The following KLHDC7A variants were observed in gnomAD, a reference collection of about 807,000 sequenced individuals.
The protein encoded by KLHDC7A is kelch domain containing 7A.
For missense variants in KLHDC7A, 1,123 were observed against 1,052.6 expected, an observed-to-expected ratio of 1.07 and a Z score of -0.93; for synonymous variants, 464 against 461.0, an observed-to-expected ratio of 1.01 and a Z score of -0.08.
In KLHDC7A at chr1:18,482,481, C is replaced by T; in HGVS notation, c.1500C>T (p.Cys500=). The T allele has an allele frequency of 1.2e-6, 2 of 1,611,512 alleles. No individual in the cohort carries two copies. Among genetic ancestry groups the T allele is most frequent in the East Asian group, 2.2e-5 (1 of 44,856 alleles). The change falls in exon 1 of 1, where the codon TGC becomes TGT. Residue 500 remains cysteine (C), a synonymous_variant. Coordinates refer to ENST00000400664, the MANE Select transcript of KLHDC7A (RefSeq NM_152375.3). ...AGTACCTGGTGGTGGCTGACGTGTG[C>T]CCCAAGGAAGACTCCGGCGGCCTCT... The part of the protein sequence containing the change: ...GRQYLVVADV[C]PKEDSGGLCC...
In KLHDC7A at chr1:18,481,540, C is replaced by A; in HGVS notation, c.559C>A (p.Pro187Thr). The A allele has an allele frequency of 6.2e-7, 1 of 1,613,288 alleles. No homozygotes were observed. The highest frequency in any genetic ancestry group is 8.5e-7 in the Non-Finnish European group (1 of 1,179,950). Residue 187 changes from proline (P) to threonine (T), a missense_variant, in exon 1 of 1, where the codon CCA becomes ACA. Coordinates refer to ENST00000400664, the MANE Select transcript of KLHDC7A (RefSeq NM_152375.3). ...CAGCTGTGCCGGTGGTGAGCCTTCT[C>A]CATGGCAGGACAGTAAACCCCGTGA... ...DGSCAGGEPS[P>T]WQDSKPREHP...
rs757104912 is a variant in KLHDC7A, at chr1:18,481,220, C to A, written c.239C>A (p.Pro80Gln). Reference sequence around the variant, plus strand: ...TCTCCTGGGGTGCTCCTGAGGGGGCCAAGACGTCGGAGGAGCAGCAAGCGG... The same window carrying A: ...TCTCCTGGGGTGCTCCTGAGGGGGCAAAGACGTCGGAGGAGCAGCAAGCGG... The part of the protein sequence containing the change: ...EASPGVLLRG[P>Q]RRRRSSKRAE... Residue 80 changes from proline (P) to glutamine (Q), a missense_variant, in exon 1 of 1, where the codon CCA becomes CAA. Transcript: ENST00000400664. The A allele has an allele frequency of 3.2e-6, 5 of 1,586,264 alleles. No homozygotes were observed. In the African/African-American group the frequency reaches 5.4e-5, roughly 17 times the overall value.
At position 18,481,310 on chromosome 1, in the gene KLHDC7A, C is replaced by A. The variant is rs778349618; in HGVS notation, c.329C>A (p.Ala110Asp). 2.2e-5 allele frequency: 35 copies of A among 1,585,236 alleles called. No individual in the cohort carries two copies. The highest frequency in any genetic ancestry group is 3.0e-5 in the Non-Finnish European group (35 of 1,165,532). The change falls in exon 1 of 1, where the codon GCC becomes GAC. Residue 110 changes from alanine (A) to aspartate (D), a missense_variant. Ala to Asp is a moderately radical substitution (Grantham distance 126). Coordinates refer to ENST00000400664, the MANE Select transcript of KLHDC7A (RefSeq NM_152375.3). ...GGCCCCTATGTCCTGGTCACGGGGG[C>A]CACTTCCACAGACAGGAAGCCCCAG... ...PRGPYVLVTGATSTDRKPQRK... is the reference protein window; with the variant it reads ...PRGPYVLVTGDTSTDRKPQRK...
In KLHDC7A at chr1:18,482,810, A is replaced by C; in HGVS notation, c.1829A>C (p.Asp610Ala). ...NSVERYDPRL[D>A]RWDFAPPLPS... is the part of the protein sequence containing the mutation. Reference sequence around the variant, plus strand: ...GTGGAGCGTTACGACCCCCGCCTGGACCGCTGGGACTTTGCCCCGCCGCTC... The same window carrying C: ...GTGGAGCGTTACGACCCCCGCCTGGCCCGCTGGGACTTTGCCCCGCCGCTC... The change falls in exon 1 of 1, where the codon GAC (aspartate) becomes GCC (alanine). Residue 610 changes from aspartate to alanine, a missense_variant. Asp to Ala is a moderately radical substitution (Grantham distance 126). Coordinates refer to ENST00000400664, the MANE Select transcript of KLHDC7A (RefSeq NM_152375.3). 6.2e-7 allele frequency: 1 copy of C among 1,608,998 alleles called. No homozygotes were observed. The highest frequency in any genetic ancestry group is 8.5e-7 in the Non-Finnish European group (1 of 1,178,306).
Position 18,482,340 on chromosome 1 carries a change from G to T in KLHDC7A, c.1359G>T (p.Ala453=). ...AGAACCTGGAGGCCCTGAAAGAGGC[G>T]GCCTACAAGGTGATGAGCGAAAACT... ...KRQNLEALKE[A]AYKVMSENYL... Residue 453 remains alanine (A), a synonymous_variant, in exon 1 of 1, where the codon GCG becomes GCT. Coordinates refer to ENST00000400664, the MANE Select transcript of KLHDC7A (RefSeq NM_152375.3). 11 of 1,602,330 alleles carry T rather than the reference G, an allele frequency of 6.9e-6. No individual in the cohort carries two copies. Among genetic ancestry groups the T allele is most frequent in the Non-Finnish European group, 9.3e-6 (11 of 1,179,936 alleles).
In KLHDC7A at chr1:18,481,968, G is replaced by A; in HGVS notation, c.987G>A (p.Gly329=). Residue 329 remains glycine, a synonymous_variant, in exon 1 of 1, where the codon GGG becomes GGA. Coordinates refer to ENST00000400664, the MANE Select transcript of KLHDC7A (RefSeq NM_152375.3). ...PRPPPGSLGT[G]AASGGQAGDT... ...CACCGCCAGGGTCCCTGGGAACAGG[G>A]GCTGCCTCGGGAGGCCAAGCCGGTG... 1 of 1,612,994 alleles carries A rather than the reference G, an allele frequency of 6.2e-7. No individual in the cohort carries two copies. Among genetic ancestry groups the A allele is most frequent in the South Asian group, 1.1e-5 (1 of 91,080 alleles).
rs774588317 is a variant in KLHDC7A at position 18,481,833 on chromosome 1, G to A, written c.852G>A (p.Arg284=). ...FIQKAEGVEP[R]LKGKVYDYYV... ...AGAAGGCGGAGGGGGTTGAGCCCCG[G>A]CTCAAGGGCAAGGTGTACGACTACT... Residue 284 remains arginine, a synonymous_variant, in exon 1 of 1, where the codon CGG becomes CGA. Coordinates refer to ENST00000400664, the MANE Select transcript of KLHDC7A (RefSeq NM_152375.3). The A allele has an allele frequency of 1.2e-6, 2 of 1,614,096 alleles. No homozygotes were observed. The highest frequency in any genetic ancestry group is 1.1e-5 in the South Asian group (1 of 91,076).
chr1:18,482,535 G>T lies in KLHDC7A; in HGVS notation c.1554G>T (p.Trp518Cys). 1 of 1,612,082 alleles carries T rather than the reference G, an allele frequency of 6.2e-7. No homozygotes were observed. Residue 518 changes from tryptophan to cysteine, a missense_variant, in exon 1 of 1, where the codon TGG becomes TGT. Transcript: ENST00000400664. Reference sequence around the variant, plus strand: ...GCTATGACGATGAGCAGGATGTCTGGCGCCCGCTGGCTCGCATGCCCCCCG... The same window carrying T: ...GCTATGACGATGAGCAGGATGTCTGTCGCCCGCTGGCTCGCATGCCCCCCG... ...LCCYDDEQDV[W>C]RPLARMPPEA...
chr1:18,481,435 A>G lies in KLHDC7A; in HGVS notation c.454A>G (p.Asn152Asp), dbSNP rs1040419193. ...SQETRTAVGS[N>D]PDPPHFPRLG... ...GGAAACCAGAACAGCTGTTGGCAGT[A>G]ACCCTGACCCTCCCCATTTCCCCCG... Residue 152 changes from asparagine to aspartate, a missense_variant, in exon 1 of 1, where the codon AAC (asparagine) becomes GAC (aspartate). By Grantham distance (23) the Asn-to-Asp change is conservative. Transcript: ENST00000400664. The G allele has an allele frequency of 1.9e-6, 3 of 1,613,740 alleles. No homozygotes were observed. Among genetic ancestry groups the G allele is most frequent in the Admixed American group, 1.7e-5 (1 of 60,004 alleles).
Position 18,482,282 on chromosome 1 carries a change from A to G in KLHDC7A, c.1301A>G (p.Asn434Ser), listed in dbSNP as rs2086898126. The G allele has an allele frequency of 3.1e-6, 5 of 1,603,294 alleles. No homozygotes were observed. In the South Asian group the frequency reaches 4.4e-5, roughly 14 times the overall value. ...CCACAGGTCCGCCTGGATCTGGGCAATTGCTATGAGGTGCTGACCTTGGCC... is the reference window on the plus strand; with the variant it reads ...CCACAGGTCCGCCTGGATCTGGGCAGTTGCTATGAGGTGCTGACCTTGGCC... ...SAPQVRLDLGNCYEVLTLAKR... is the reference protein window; with the variant it reads ...SAPQVRLDLGSCYEVLTLAKR... The change falls in exon 1 of 1, where the codon AAT becomes AGT. Residue 434 changes from asparagine to serine, a missense_variant. Asn to Ser is a conservative substitution (Grantham distance 46, BLOSUM62 1). Transcript: ENST00000400664.
rs1365567525 is a variant in KLHDC7A at position 18,481,794 on chromosome 1, G to A, written c.813G>A (p.Glu271=). ...CATCCATAGCCCGCGTCCGAATGGA[G>A]GAGCATTTCATACAGAAGGCGGAGG... ...TFSSIARVRM[E]EHFIQKAEGV... is the part of the protein sequence containing the mutation. Residue 271 remains glutamate (E), a synonymous_variant, in exon 1 of 1, where the codon GAG becomes GAA. Transcript: ENST00000400664. 2 of 1,614,016 alleles carry A rather than the reference G, an allele frequency of 1.2e-6. No homozygotes were observed. Among genetic ancestry groups the A allele is most frequent in the Admixed American group, 1.7e-5 (1 of 60,006 alleles).
rs1439464289 is a variant in KLHDC7A at position 18,483,963 on chromosome 1, C to T, written c.*648C>T. On this transcript the variant is annotated 3_prime_UTR_variant, in exon 1 of 1. Transcript: ENST00000400664. ...TTGCTTGCGAGAAAATATACCAAAGCCCACATTACTTTTCTCCTTATTGGA... is the reference window on the plus strand; with the variant it reads ...TTGCTTGCGAGAAAATATACCAAAGTCCACATTACTTTTCTCCTTATTGGA... 15 of 1,304,048 alleles carry T rather than the reference C, an allele frequency of 1.2e-5. No homozygotes were observed. The highest frequency in any genetic ancestry group is 1.3e-5 in the Non-Finnish European group (13 of 988,922). The allele number at this position is 1,304,048 out of a possible 1,614,324, so 80.8% of individuals were successfully genotyped here. A position where few individuals can be genotyped will look rare whatever the true frequency, so the allele number is the denominator to read the frequency against.
rs762981441 is a variant in KLHDC7A, at chr1:18,482,998, G to A, written c.2017G>A (p.Val673Met). 4 of 1,613,232 alleles carry A rather than the reference G, an allele frequency of 2.5e-6. No homozygotes were observed. Among genetic ancestry groups the A allele is most frequent in the Non-Finnish European group, 3.4e-6 (4 of 1,179,926 alleles). Residue 673 changes from valine (V) to methionine (M), a missense_variant, in exon 1 of 1, where the codon GTG becomes ATG. Coordinates refer to ENST00000400664, the MANE Select transcript of KLHDC7A (RefSeq NM_152375.3). Reference sequence around the variant, plus strand: ...CAGCAAGGACCGCACGGCCGAGATGGTGGCGGTCAACGGCTTTCTCTACCG... The same window carrying A: ...CAGCAAGGACCGCACGGCCGAGATGATGGCGGTCAACGGCTTTCTCTACCG... ...GGSKDRTAEMVAVNGFLYRFD... is the reference protein window; with the variant it reads ...GGSKDRTAEMMAVNGFLYRFD...
Position 18,483,790 on chromosome 1 carries a change from A to T in KLHDC7A, c.*475A>T. The T allele has an allele frequency of 1.7e-6, 2 of 1,210,438 alleles. No individual in the cohort carries two copies. Among genetic ancestry groups the T allele is most frequent in the Non-Finnish European group, 2.1e-6 (2 of 947,132 alleles). 75.0% of individuals were successfully genotyped at this position (1,210,438 alleles called of 1,614,324 possible). The stretch of plus-strand genomic sequence containing the variant: ...TGGGCCCCACCTCCACAGTTCCCAG[A>T]AGCACCGGGACACACAGGTGGGAAA... On this transcript the variant is annotated 3_prime_UTR_variant, in exon 1 of 1. Transcript: ENST00000400664.
chr1:18,482,128 C>T lies in KLHDC7A; in HGVS notation c.1147C>T (p.Arg383Trp), dbSNP rs745340989. 5 of 1,611,420 alleles carry T rather than the reference C, an allele frequency of 3.1e-6. No individual in the cohort carries two copies. The Admixed American group carries it at 6.7e-5, about 22-fold the overall frequency. ...GCTGCAGCTGCAGCCAGATGGCTTC[C>T]GGCTCCCCGCTCCACCCTGCCCAGA... ...PELQLQPDGF[R>W]LPAPPCPDPG... The change falls in exon 1 of 1, where the codon CGG becomes TGG. Residue 383 changes from arginine (R) to tryptophan (W), a missense_variant. By Grantham distance (101) the Arg-to-Trp change is moderately radical. Transcript: ENST00000400664.
rs111522353 is a variant in KLHDC7A, at chr1:18,482,386, C to G, written c.1405C>G (p.Pro469Ala). 1.6e-5 allele frequency: 25 copies of G among 1,605,508 alleles called. 1 individual carries two copies. In the African/African-American group the frequency reaches 1.7e-4, roughly 11 times the overall value. ...AAACTACCTGCAGGTGCTGCGCAGCCCGGACATCTACGGGTGCCTGAGCGG... is the reference window on the plus strand; with the variant it reads ...AAACTACCTGCAGGTGCTGCGCAGCGCGGACATCTACGGGTGCCTGAGCGG... ...SENYLQVLRSPDIYGCLSGAE... is the reference protein window; with the variant it reads ...SENYLQVLRSADIYGCLSGAE... Residue 469 changes from proline to alanine, a missense_variant, in exon 1 of 1, where the codon CCG becomes GCG. Coordinates refer to ENST00000400664, the MANE Select transcript of KLHDC7A (RefSeq NM_152375.3).
chr1:18,481,848 G>A lies in KLHDC7A; in HGVS notation c.867G>A (p.Val289=). The stretch of plus-strand genomic sequence containing the variant: ...TTGAGCCCCGGCTCAAGGGCAAGGT[G>A]TACGACTACTATGTGGAATCTACCT... ...EGVEPRLKGK[V]YDYYVESTSQ... Residue 289 remains valine (V), a synonymous_variant, in exon 1 of 1, where the codon GTG becomes GTA. Coordinates refer to ENST00000400664, the MANE Select transcript of KLHDC7A (RefSeq NM_152375.3). The A allele has an allele frequency of 1.9e-6, 3 of 1,614,048 alleles. No individual in the cohort carries two copies. The highest frequency in any genetic ancestry group is 2.2e-5 in the South Asian group (2 of 91,074).
At position 18,484,843 on chromosome 1, in the gene KLHDC7A, C is replaced by T. The variant is rs1321284919; in HGVS notation, c.*1528C>T. ...ACCATCCCTGGTCTGGGCTCTGGCA[C>T]CAGGCTCTGCCAGTGGCAGCTCAGA... is the stretch of plus-strand genomic sequence containing the variant. On this transcript the variant is annotated 3_prime_UTR_variant, in exon 1 of 1. Coordinates refer to ENST00000400664, the MANE Select transcript of KLHDC7A (RefSeq NM_152375.3). The T allele has an allele frequency of 6.0e-6, 1 of 167,064 alleles. No individual in the cohort carries two copies. Among genetic ancestry groups the T allele is most frequent in the Non-Finnish European group, 1.5e-5 (1 of 68,204 alleles). 10.3% of individuals were successfully genotyped at this position (167,064 alleles called of 1,614,324 possible).
Position 18,482,378 on chromosome 1 carries a change from T to G in KLHDC7A, c.1397T>G (p.Leu466Arg), listed in dbSNP as rs1401435533. The G allele has an allele frequency of 6.2e-7, 1 of 1,604,488 alleles. No individual in the cohort carries two copies. ...KVMSENYLQVLRSPDIYGCLS... is the reference protein window; with the variant it reads ...KVMSENYLQVRRSPDIYGCLS... Reference sequence around the variant, plus strand: ...ATGAGCGAAAACTACCTGCAGGTGCTGCGCAGCCCGGACATCTACGGGTGC... The same window carrying G: ...ATGAGCGAAAACTACCTGCAGGTGCGGCGCAGCCCGGACATCTACGGGTGC... Residue 466 changes from leucine to arginine, a missense_variant, in exon 1 of 1, where the codon CTG (leucine) becomes CGG (arginine). Leu to Arg is a moderately radical substitution (Grantham distance 102). Transcript: ENST00000400664.
Sources: allele counts gnomAD v4.1 joint callset, GRCh38; gene constraint gnomAD v4.1.1; transcripts MANE v1.5; gene names NCBI Gene and HGNC (gene_info 2026-07-23, HGNC 2026-07-21).